Variants in KCNB2 observed in about 807,000 individuals in gnomAD.
The protein encoded by KCNB2 is delayed rectifier potassium channel protein.
In KCNB2, 15 loss-of-function variants were observed where a neutral mutation model predicts 61.5. That is an observed-to-expected ratio of 0.24 (90% CI 0.16 to 0.38). The LOEUF is 0.38. KCNB2 is among the 10% of genes least tolerant of loss of function. KCNB2 has a pLI of 1.00. For synonymous variants in KCNB2, 457 were observed against 446.0 expected, an observed-to-expected ratio of 1.02 and a Z score of -0.31; for missense variants, 828 against 1,125.2, an observed-to-expected ratio of 0.74 and a Z score of 3.78.
intron 2 of KCNB2, among the ~76,000 whole-genome samples, chr8:72,786,325 G>A (rs1450821694): frequency 6.6e-6 from 1 of 152,112 alleles, no homozygotes; most frequent in East Asian, 1.9e-4. Flanking sequence ...CTTAGCATGA[G>A]CAATATATGA....
At chr8:72,550,740 A>C (rs1806334062) in intron 1 of KCNB2, among the ~76,000 whole-genome samples, 1 of 152,182 alleles carries the variant, frequency 6.6e-6, no homozygotes, top group African/African-American at 2.4e-5. Flanking sequence ...TCCTAAAAGG[A>C]GATCAGTCAG....
intron 2 of KCNB2, among the ~76,000 whole-genome samples, chr8:72,885,561 A>C (rs537979937): frequency 6.6e-6 from 1 of 152,278 alleles, no homozygotes; most frequent in East Asian, 1.9e-4. Context: ...TATACATTTC[A>C]TATTAGTATT....
intron 2 of KCNB2, among the ~76,000 whole-genome samples, chr8:72,580,701 C>A (rs985204482): frequency 3.3e-5 from 5 of 152,164 alleles, no homozygotes; most frequent in African/African-American, 9.7e-5. Flanking sequence ...ACTGCAAGTT[C>A]TCTTACCTTT....
At chr8:72,660,129 A>G (rs1806355025) in intron 2 of KCNB2, among the ~76,000 whole-genome samples, 1 of 152,236 alleles carries the variant, frequency 6.6e-6, no homozygotes, top group Non-Finnish European at 1.5e-5. Context: ...TAGAGGAAAC[A>G]TCAAAATTAT....
chr8:72,749,812 A>G (rs989832201), intron 2 of KCNB2, among the ~76,000 whole-genome samples: 1 of 146,922 alleles, frequency 6.8e-6, no homozygotes, highest in South Asian at 2.1e-4. Context: ...TATATAATAT[A>G]ATTATATATG....
At chr8:72,784,701 C>T (rs1808818668) in intron 2 of KCNB2, among the ~76,000 whole-genome samples, 1 of 152,182 alleles carries the variant, frequency 6.6e-6, no homozygotes, top group Non-Finnish European at 1.5e-5. Flanking sequence ...AATCACCTCA[C>T]ATGAGGTCCC....
chr8:72,836,369 G>A (rs1563399302), intron 2 of KCNB2, among the ~76,000 whole-genome samples: 1 of 152,146 alleles, frequency 6.6e-6, no homozygotes, highest in Non-Finnish European at 1.5e-5. Flanking sequence ...GTCTCCAATC[G>A]ACTGAATAGA....
At chr8:72,710,338 A>G (rs1403758731) in intron 2 of KCNB2, among the ~76,000 whole-genome samples, 2 of 152,172 alleles carry the variant, frequency 1.3e-5, no homozygotes, top group South Asian at 2.1e-4. Context: ...CTCATATATC[A>G]TCTCTTTCAA....
intron 2 of KCNB2, chr8:72,750,351 C>G (rs1453770786): frequency 2.0e-5 from 3 of 152,100 alleles, no homozygotes; most frequent in African/African-American, 7.2e-5. Context: ...ATGATTGTTT[C>G]TCTTACACCC....
chr8:72,937,374 C>T lies in KCNB2; in HGVS notation c.2019C>T (p.Asp673=). 4 of 1,614,086 alleles carry T rather than the reference C, an allele frequency of 2.5e-6. No individual in the cohort carries two copies. Among genetic ancestry groups the T allele is most frequent in the Non-Finnish European group, 3.4e-6 (4 of 1,180,014 alleles). Residue 673 remains aspartate, a synonymous_variant, in exon 3 of 3, where the codon GAC becomes GAT. Coordinates refer to ENST00000523207, the MANE Select transcript of KCNB2 (RefSeq NM_004770.3). ...GCACGCTGGAGTATGCCCCAGTTGA[C>T]ATAACTGTGAACCTCGATGCCAGTG... ...RDGTLEYAPV[D]ITVNLDASGS...
intron 2 of KCNB2, among the ~76,000 whole-genome samples, chr8:72,730,005 T>C (rs1186643495): frequency 2.6e-5 from 4 of 152,120 alleles, no homozygotes; most frequent in African/African-American, 9.7e-5. Context: ...TTGATAAACA[T>C]GGGGAGAGAA....
intron 2 of KCNB2, among the ~76,000 whole-genome samples, chr8:72,902,454 A>G (rs1806106826): frequency 6.6e-6 from 1 of 152,148 alleles, no homozygotes. Flanking sequence ...GGATGTGGAC[A>G]GATGAATTGG....
chr8:72,861,422 G>T (rs1209947019), intron 2 of KCNB2, among the ~76,000 whole-genome samples: 1 of 152,192 alleles, frequency 6.6e-6, no homozygotes, highest in Non-Finnish European at 1.5e-5. Flanking sequence ...GGTAATTACA[G>T]CACCATTTCC....
intron 2 of KCNB2, among the ~76,000 whole-genome samples, chr8:72,782,325 A>G (rs1481240321): frequency 6.6e-6 from 1 of 152,090 alleles, no homozygotes; most frequent in Non-Finnish European, 1.5e-5. Flanking sequence ...TGATAGCAAT[A>G]ACAAGCATAT....
chr8:72,773,685 G>A (rs1282478046), intron 2 of KCNB2, among the ~76,000 whole-genome samples: 12 of 152,228 alleles, frequency 7.9e-5, no homozygotes, highest in African/African-American at 2.2e-4. Flanking sequence ...AGTATTATCT[G>A]TGATGTTAAG....
chr8:72,783,136 C>A (rs1429224036), intron 2 of KCNB2, among the ~76,000 whole-genome samples: 2 of 152,130 alleles, frequency 1.3e-5, no homozygotes, highest in Non-Finnish European at 2.9e-5. Flanking sequence ...TTATGGGAAT[C>A]CTTTTGTTTC....
chr8:72,698,810 T>C (rs952637286), intron 2 of KCNB2, among the ~76,000 whole-genome samples: 21 of 152,156 alleles, frequency 1.4e-4, no homozygotes, highest in Non-Finnish European at 2.4e-4. Context: ...TGACTAGCTA[T>C]GTTCAGAAGA....
intron 2 of KCNB2, among the ~76,000 whole-genome samples, chr8:72,602,975 C>T (rs1805377746): frequency 6.6e-6 from 1 of 151,824 alleles, no homozygotes; most frequent in South Asian, 2.1e-4. Flanking sequence ...AGGCGGCATG[C>T]CCGCTGATGT....
chr8:72,626,899 G>C (rs1805798997), intron 2 of KCNB2, among the ~76,000 whole-genome samples: 1 of 152,196 alleles, frequency 6.6e-6, no homozygotes. Context: ...ATTAGTTTAA[G>C]AAAGAGGCAA....
Sources: gnomAD v4.1 joint callset for allele counts (sites outside exome capture counted in the v4.1 genomes callset) on GRCh38, gnomAD v4.1.1 for gene constraint, MANE v1.5 for transcripts, NCBI Gene and HGNC (gene_info 2026-07-23, HGNC 2026-07-21) for gene names.